Variants in CACNA1C observed in about 807,000 individuals in gnomAD.
The protein encoded by CACNA1C is calcium voltage-gated channel subunit alpha1 C.
A neutral mutation model predicts 229.0 loss-of-function variants in CACNA1C; 30 were observed. The observed-to-expected ratio is 0.13, with a 90% CI of 0.10 to 0.18. CACNA1C has a LOEUF of 0.18. Ranked by LOEUF, CACNA1C falls within the 10% of genes least tolerant of loss-of-function variation. The pLI, the probability that CACNA1C is intolerant of heterozygous loss-of-function variation, is 1.00. For synonymous variants in CACNA1C, 1,114 were observed against 1,132.5 expected (o/e 0.98, Z 0.33); for missense variants, 1,658 against 2,845.0 (o/e 0.58, Z 9.49).
At chr12:2,115,196 T>C in intron 1 of CACNA1C, 28 bp from the exon 2 acceptor site, 1 of 1,479,598 alleles carries the variant, frequency 6.8e-7, no homozygotes. Context: ...ATCTAGTAAC[T>C]GTTGTGTTCT....
rs1039133891 is a variant in CACNA1C at position 2,181,619 on chromosome 12, C to G, written c.477+61189C>G. 1.3e-5 allele frequency among the ~76,000 whole-genome samples: 2 copies of G among 152,098 alleles called. No homozygotes were observed. The highest frequency in any genetic ancestry group is 4.8e-5 in the African/African-American group (2 of 41,396). ...ATATGACACAATTCCATGCTGCACCCACAGAATAGTGAGTAGTGTGTAGGC... is the reference window on the plus strand; with the variant it reads ...ATATGACACAATTCCATGCTGCACCGACAGAATAGTGAGTAGTGTGTAGGC... On this transcript the variant is annotated intron_variant, in intron 3 of 46. Coordinates refer to ENST00000399655, the MANE Select transcript of CACNA1C (RefSeq NM_000719.7). This position sits in a 1 kb window ranked among gnomAD's most constrained non-coding sequence, Gnocchi z 4.0.
chr12:2,386,454 C>G (rs1284483686), intron 3 of CACNA1C, among the ~76,000 whole-genome samples: 1 of 152,190 alleles, frequency 6.6e-6, no homozygotes, highest in African/African-American at 2.4e-5. Context: ...ACTGCAGTGG[C>G]CCAAACACGA....
chr12:2,527,120 G>A (rs1165859453), intron 9 of CACNA1C, among the ~76,000 whole-genome samples: 2 of 152,200 alleles, frequency 1.3e-5, no homozygotes, highest in Non-Finnish European at 2.9e-5. Flanking sequence ...GGGCAGAGGA[G>A]CCCTTGCTGT....
intron 1 of CACNA1C, among the ~76,000 whole-genome samples, chr12:1,975,071 A>G (rs929717527): frequency 6.6e-6 from 1 of 152,196 alleles, no homozygotes; most frequent in African/African-American, 2.4e-5. Context: ...TTGACATAGC[A>G]GTAGTCTAGC....
chr12:2,225,714 G>C (rs2062770476), intron 3 of CACNA1C, among the ~76,000 whole-genome samples: 1 of 152,196 alleles, frequency 6.6e-6, no homozygotes, highest in South Asian at 2.1e-4. Flanking sequence ...AAGGGGAAAG[G>C]TCTATGCTTT....
At chr12:2,636,787 A>G (rs1603135109) in intron 30 of CACNA1C, among the ~76,000 whole-genome samples, 3 of 152,322 alleles carry the variant, frequency 2.0e-5, no homozygotes. Context: ...TCTGTAATTG[A>G]TATCTTAAAT....
rs2074948658 is a variant in CACNA1C, at chr12:2,605,588, T to C, written c.3049-91T>C. 1 of 894,132 alleles carries C rather than the reference T, an allele frequency of 1.1e-6. No individual in the cohort carries two copies. The highest frequency in any genetic ancestry group is 2.2e-4 in the Middle Eastern group (1 of 4,622). The allele number at this position is 894,132 out of a possible 1,614,324, so 55.4% of individuals were successfully genotyped here. A position where few individuals can be genotyped will look rare whatever the true frequency, so the allele number is the denominator to read the frequency against. ...CCCCTCTCAGCCCAATTACTCCCCG[T>C]TGTGGCAAACGGGCTGCCCCTGCTA... On this transcript the variant is annotated intron_variant, in intron 23 of 46. Transcript: ENST00000399655. This position sits in a 1 kb window ranked among gnomAD's most constrained non-coding sequence, Gnocchi z 6.2.
chr12:2,657,159 A>T (rs2095467274), intron 34 of CACNA1C, among the ~76,000 whole-genome samples: 1 of 152,212 alleles, frequency 6.6e-6, no homozygotes, highest in Non-Finnish European at 1.5e-5. Flanking sequence ...AAATAGAATG[A>T]GCAGAGTAAT....
intron 30 of CACNA1C, among the ~76,000 whole-genome samples, chr12:2,640,645 G>C (rs2153601241): frequency 6.6e-6 from 1 of 152,322 alleles, no homozygotes; most frequent in East Asian, 1.9e-4. Flanking sequence ...AGGCAGGGCA[G>C]AGAGTGTCCA....
chr12:2,195,571 T>G (rs2097374613), intron 3 of CACNA1C, among the ~76,000 whole-genome samples: 1 of 152,200 alleles, frequency 6.6e-6, no homozygotes, highest in Non-Finnish European at 1.5e-5. Flanking sequence ...AAATGTCTTC[T>G]GATGTTGGAC....
At chr12:2,174,718 C>T (rs943294742) in intron 3 of CACNA1C, among the ~76,000 whole-genome samples, 1 of 152,206 alleles carries the variant, frequency 6.6e-6, no homozygotes, top group African/African-American at 2.4e-5. Flanking sequence ...TAACTACTAA[C>T]AATCTACTGT....
At chr12:2,378,199 A>C (rs2098129743) in intron 3 of CACNA1C, among the ~76,000 whole-genome samples, 1 of 152,192 alleles carries the variant, frequency 6.6e-6, no homozygotes, top group Admixed American at 6.5e-5. Flanking sequence ...GGAATTAGTG[A>C]AGTGCTAGGT....
intron 3 of CACNA1C, among the ~76,000 whole-genome samples, chr12:2,292,170 A>ACCT (rs1427351441): frequency 6.6e-6 from 1 of 152,230 alleles, no homozygotes; most frequent in Non-Finnish European, 1.5e-5. Context: ...ATAGAACATG[A>ACCT]CCTTGGTCCT....
Position 2,034,260 on chromosome 12 carries a change from C to G in CACNA1C, c.139+63059C>G, listed in dbSNP as rs914413695. Among the ~76,000 whole-genome samples the G allele has an allele frequency of 6.6e-6, 1 of 152,210 alleles. No homozygotes were observed. The highest frequency in any genetic ancestry group is 2.4e-5 in the African/African-American group (1 of 41,462). On this transcript the variant is annotated intron_variant, in intron 1 of 46. Coordinates refer to the CACNA1C transcript ENST00000682462. This position sits in a 1 kb window ranked among gnomAD's most constrained non-coding sequence, Gnocchi z 4.1. ...AGTTAAGATTTTGCCACATCCAAGT[C>G]CTTTTAGATCCAAGGCCGTGTTCCT...
At chr12:2,620,910 G>A (rs946714367) in intron 29 of CACNA1C, among the ~76,000 whole-genome samples, 5 of 152,166 alleles carry the variant, frequency 3.3e-5, no homozygotes, top group Non-Finnish European at 5.9e-5. Context: ...TTGTGAGCCC[G>A]GAAAAGAAAG....
At chr12:2,256,141 A>C (rs2077632742) in intron 3 of CACNA1C, among the ~76,000 whole-genome samples, 2 of 152,182 alleles carry the variant, frequency 1.3e-5, no homozygotes, top group African/African-American at 4.8e-5. Context: ...TAGGAGGAGG[A>C]ATATCATAAA....
At chr12:2,443,483 G>A (rs568443796) in intron 3 of CACNA1C, among the ~76,000 whole-genome samples, 1 of 152,008 alleles carries the variant, frequency 6.6e-6, no homozygotes, top group African/African-American at 2.4e-5. Context: ...GCAGTTGTTC[G>A]TACCTCCTCT....
chr12:2,104,175 C>T (rs2154109232), intron 1 of CACNA1C, among the ~76,000 whole-genome samples: 1 of 152,252 alleles, frequency 6.6e-6, no homozygotes, highest in East Asian at 1.9e-4. Flanking sequence ...GGCAGTATGG[C>T]CATTTTGATA....
intron 3 of CACNA1C, among the ~76,000 whole-genome samples, chr12:2,407,358 G>GTATTGATTTGCATTTCCCT: frequency 9.6e-6 from 1 of 104,164 alleles, no homozygotes; most frequent in Middle Eastern, 4.8e-3. Flanking sequence ...GTGTGCAGTG[G>GTATTGATTTGCATTTCCCT]ACATCGTCTC....
Sources: gnomAD v4.1 joint callset for allele counts (sites outside exome capture counted in the v4.1 genomes callset) on GRCh38, gnomAD v4.1.1 for gene constraint, Gnocchi (gnomAD v3.1) non-coding constraint, MANE v1.5 for transcripts, NCBI Gene and HGNC (gene_info 2026-07-23, HGNC 2026-07-21) for gene names.